LINGO2: variants seen among roughly 807,000 people sequenced by gnomAD.
LINGO2 encodes the protein leucine-rich repeat and immunoglobulin-like domain-containing nogo receptor-interacting protein 2.
LINGO2 carries 14 observed loss-of-function variants against 30.6 expected under a neutral mutation model. The ratio of observed to expected loss-of-function variants is 0.46; its 90% CI spans 0.30 to 0.72. The LOEUF is 0.72. LINGO2 is among the 30% of genes least tolerant of loss of function. The pLI, the probability that LINGO2 is intolerant of heterozygous loss-of-function variation, is 0.07. For missense variants in LINGO2, 729 were observed against 751.7 expected (o/e 0.97, Z 0.35); for synonymous variants, 317 against 288.5 (o/e 1.10, Z -1.00).
chr9:28,812,653 C>T, the LINGO2 span, among the ~76,000 whole-genome samples: 3 of 152,120 alleles, frequency 2.0e-5, no homozygotes, highest in Non-Finnish European at 4.4e-5. Flanking sequence ...CTAATTGAAG[C>T]AGTAAGTTCC....
At chr9:28,665,952 G>A (rs890037589) in intron 1 of LINGO2, among the ~76,000 whole-genome samples, 6 of 150,728 alleles carry the variant, frequency 4.0e-5, no homozygotes, top group Non-Finnish European at 8.9e-5. Context: ...GAGTGCAATG[G>A]CGCGATCTCG....
chr9:28,776,344 A>C, the LINGO2 span, among the ~76,000 whole-genome samples: 1 of 152,128 alleles, frequency 6.6e-6, no homozygotes, highest in East Asian at 1.9e-4. Context: ...CAAAAGCTTT[A>C]TTTTACAGAC....
At chr9:28,633,479 TAA>T (rs1421901780) in intron 1 of LINGO2, among the ~76,000 whole-genome samples, 4 of 152,190 alleles carry the variant, frequency 2.6e-5, no homozygotes, top group Non-Finnish European at 5.9e-5. Flanking sequence ...AGGTTTTACA[TAA>T]AAGAGACATT....
chr9:28,312,592 A>C (rs1564115308), intron 3 of LINGO2, among the ~76,000 whole-genome samples: 1 of 152,204 alleles, frequency 6.6e-6, no homozygotes, highest in African/African-American at 2.4e-5. Context: ...TAATTAAGGC[A>C]CTAGTAGTAT....
At chr9:28,437,609 A>C (rs73644041) in intron 2 of LINGO2, among the ~76,000 whole-genome samples, 4,423 of 151,842 alleles carry the variant, frequency 0.029, 206 homozygotes, top group African/African-American at 0.098. Flanking sequence ...ACACACATAC[A>C]GATCACTTCT....
intron 1 of LINGO2, among the ~76,000 whole-genome samples, chr9:28,592,785 G>A (rs180694960): frequency 6.6e-6 from 1 of 151,972 alleles, no homozygotes; most frequent in Non-Finnish European, 1.5e-5. Context: ...AACATAGCTT[G>A]TTTTTTTCAA....
At chr9:28,806,458 C>A in the LINGO2 span, among the ~76,000 whole-genome samples, 2 of 152,086 alleles carry the variant, frequency 1.3e-5, no homozygotes. Context: ...ATATCATCCC[C>A]AGCCTACTAA....
chr9:28,049,715 C>T (rs905260862), intron 4 of LINGO2, among the ~76,000 whole-genome samples: 4 of 150,558 alleles, frequency 2.7e-5, no homozygotes, highest in African/African-American at 9.8e-5. Context: ...CCTGATGCGG[C>T]AGGTCTAACA....
intron 1 of LINGO2, among the ~76,000 whole-genome samples, chr9:28,530,600 G>A (rs1821195702): frequency 6.6e-6 from 1 of 152,082 alleles, no homozygotes; most frequent in Admixed American, 6.6e-5. Flanking sequence ...AACCTATAGG[G>A]ATTTCAGCCT....
intron 4 of LINGO2, among the ~76,000 whole-genome samples, chr9:28,259,411 T>C (rs1337401098): frequency 6.6e-6 from 1 of 151,992 alleles, no homozygotes; most frequent in Non-Finnish European, 1.5e-5. Flanking sequence ...CTTTACCTCC[T>C]GGAGAGATTT....
At chr9:28,262,837 T>C (rs1587349519) in intron 4 of LINGO2, among the ~76,000 whole-genome samples, 1 of 152,000 alleles carries the variant, frequency 6.6e-6, no homozygotes, top group African/African-American at 2.4e-5. Flanking sequence ...ACTTCAATTT[T>C]CAGTAAGAGA....
chr9:28,106,923 G>C (rs540798903), intron 4 of LINGO2, among the ~76,000 whole-genome samples: 1 of 152,220 alleles, frequency 6.6e-6, no homozygotes, highest in Admixed American at 6.5e-5. Flanking sequence ...TGTCTCTCAT[G>C]CTCATGTGAT....
intron 4 of LINGO2, among the ~76,000 whole-genome samples, chr9:28,111,687 T>G (rs973217428): frequency 6.6e-6 from 1 of 152,102 alleles, no homozygotes; most frequent in Non-Finnish European, 1.5e-5. Context: ...ATAATTGTAG[T>G]ACAATAAATG....
At chr9:28,501,985 GGAA>G (rs1307277684) in intron 1 of LINGO2, among the ~76,000 whole-genome samples, 1 of 151,684 alleles carries the variant, frequency 6.6e-6, no homozygotes, top group Non-Finnish European at 1.5e-5. Context: ...GAGGAAGGGA[GGAA>G]GAAGAGAAAG....
the LINGO2 span, among the ~76,000 whole-genome samples, chr9:29,045,955 G>A: frequency 6.6e-6 from 1 of 152,040 alleles, no homozygotes; most frequent in Admixed American, 6.6e-5. Flanking sequence ...GCTGTTGTTG[G>A]TACATAGGAA....
At chr9:28,797,684 A>T in the LINGO2 span, among the ~76,000 whole-genome samples, 2 of 152,066 alleles carry the variant, frequency 1.3e-5, no homozygotes, top group Non-Finnish European at 2.9e-5. Context: ...TGTCTATTAG[A>T]TATTTAAATA....
At chr9:28,710,288 T>C in the LINGO2 span, among the ~76,000 whole-genome samples, 1 of 152,020 alleles carries the variant, frequency 6.6e-6, no homozygotes. Context: ...ATGCCAAATC[T>C]ACCAGTGTCT....
intron 1 of LINGO2, among the ~76,000 whole-genome samples, chr9:28,610,529 G>GA (rs1351021774): frequency 6.6e-6 from 1 of 152,154 alleles, no homozygotes; most frequent in South Asian, 2.1e-4. Flanking sequence ...GAAAGGGCTA[G>GA]AAAAAACTAG....
At chr9:28,998,457 A>C in the LINGO2 span, among the ~76,000 whole-genome samples, 24 of 152,276 alleles carry the variant, frequency 1.6e-4, no homozygotes, top group African/African-American at 5.5e-4. Flanking sequence ...CTATTGATCT[A>C]TCTGGAATGC....
Sources: gnomAD v4.1 joint callset for allele counts (sites outside exome capture counted in the v4.1 genomes callset) on GRCh38, gnomAD v4.1.1 for gene constraint, MANE v1.5 for transcripts, NCBI Gene and HGNC (gene_info 2026-07-23, HGNC 2026-07-21) for gene names.